The following NFYB variants were observed in gnomAD, a reference collection of about 807,000 sequenced individuals.
The protein encoded by NFYB is CAAT box DNA-binding protein subunit B.
In NFYB, 13 loss-of-function variants were observed where a neutral mutation model predicts 28.0. That is an observed-to-expected ratio of 0.46 (90% CI 0.30 to 0.74). NFYB has a LOEUF of 0.74. Ranked by LOEUF, NFYB falls within the 30% of genes least tolerant of loss-of-function variation. NFYB has a pLI of 0.07. For missense variants in NFYB, 142 were observed against 247.6 expected (o/e 0.57, Z 2.86); for synonymous variants, 74 against 75.0 (o/e 0.99, Z 0.07).
chr12:104,123,386 A>C lies in NFYB; in HGVS notation c.269T>G (p.Val90Gly). Residue 90 changes from valine to glycine, a missense_variant, in exon 5 of 8, where the codon GTA becomes GGA. By Grantham distance (109) the Val-to-Gly change is moderately radical. Transcript: ENST00000240055. ...TGTTATAAAACTGATGAACTCACTT[A>C]CACATTCTTGAACACATTCTTTGGC... is the stretch of plus-strand genomic sequence containing the variant. Reference protein sequence around the residue: ...KDAKECVQECVSEFISFITSE... With the variant: ...KDAKECVQECGSEFISFITSE... The C allele has an allele frequency of 6.2e-7, 1 of 1,614,108 alleles. No individual in the cohort carries two copies. The highest frequency in any genetic ancestry group is 8.5e-7 in the Non-Finnish European group (1 of 1,179,996).
chr12:104,118,160 G>A lies in NFYB; in HGVS notation c.*1577C>T, dbSNP rs1392543317. On this transcript the variant is annotated 3_prime_UTR_variant, in exon 8 of 8. Transcript: ENST00000240055. ...GGTTACAAAATGGTATGCACAATAT[G>A]AGCCCATTTTTATAAAAATATACAT... is the stretch of plus-strand genomic sequence containing the variant. 1 of 152,160 alleles carries A rather than the reference G, an allele frequency of 6.6e-6. No individual in the cohort carries two copies. The highest frequency in any genetic ancestry group is 1.5e-5 in the Non-Finnish European group (1 of 68,036). The allele number at this position is 152,160 out of a possible 1,614,324, so 9.4% of individuals were successfully genotyped here.
At position 104,117,635 on chromosome 12, in the gene NFYB, G is replaced by A. The variant is rs1454243970; in HGVS notation, c.*2102C>T. ...TTGGCCAGGCTGGTCTCAAACTCCT[G>A]ACCTCAAAGTGATCTGCCTGCCTTG... On this transcript the variant is annotated 3_prime_UTR_variant, in exon 8 of 8. Transcript: ENST00000240055. The A allele has an allele frequency of 6.6e-6, 1 of 152,228 alleles. No individual in the cohort carries two copies. Among genetic ancestry groups the A allele is most frequent in the Non-Finnish European group, 1.5e-5 (1 of 68,124 alleles). The allele number at this position is 152,228 out of a possible 1,614,324, so 9.4% of individuals were successfully genotyped here. A position where few individuals can be genotyped will look rare whatever the true frequency, so the allele number is the denominator to read the frequency against.
chr12:104,120,436 T>C lies in NFYB; in HGVS notation c.555A>G (p.Gln185=). 6.2e-7 allele frequency: 1 copy of C among 1,613,998 alleles called. No homozygotes were observed. The highest frequency in any genetic ancestry group is 8.5e-7 in the Non-Finnish European group (1 of 1,179,988). Reference sequence around the variant, plus strand: ...ATGTTGTGTAAACCATAACATTTTGTTGTTGACCGTCTGTGGTTATTAAGC... The same window carrying C: ...ATGTTGTGTAAACCATAACATTTTGCTGTTGACCGTCTGTGGTTATTAAGC... ...PAGLITTDGQ[Q]QNVMVYTTSY... Residue 185 remains glutamine (Q), a synonymous_variant, in exon 7 of 8, where the codon CAA becomes CAG. Coordinates refer to ENST00000240055, the MANE Select transcript of NFYB (RefSeq NM_006166.4).
chr12:104,132,406 A>T (rs2030957723), intron 2 of NFYB, among the ~76,000 whole-genome samples: 1 of 125,228 alleles, frequency 8.0e-6, no homozygotes, highest in Non-Finnish European at 1.8e-5. Flanking sequence ...AATCACATTA[A>T]AAAAAAAAAT....
rs770861103 is a variant in NFYB, at chr12:104,118,920, T to C, written c.*817A>G. 10 of 152,122 alleles carry C rather than the reference T, an allele frequency of 6.6e-5. No individual in the cohort carries two copies. Among genetic ancestry groups the C allele is most frequent in the Admixed American group, 3.3e-4 (5 of 15,274 alleles). 9.4% of individuals were successfully genotyped at this position (152,122 alleles called of 1,614,324 possible). A position where few individuals can be genotyped will look rare whatever the true frequency, so the allele number is the denominator to read the frequency against. On this transcript the variant is annotated 3_prime_UTR_variant, in exon 8 of 8. Coordinates refer to ENST00000240055, the MANE Select transcript of NFYB (RefSeq NM_006166.4). ...GAGAATACTATAGTACTTGAAGATA[T>C]GATTTGAAAAAAAATCATGTACCAA... is the stretch of plus-strand genomic sequence containing the variant.
chr12:104,126,107 A>G lies in NFYB; in HGVS notation c.231+7T>C. The G allele has an allele frequency of 6.3e-7, 1 of 1,579,210 alleles. No homozygotes were observed. The highest frequency in any genetic ancestry group is 2.3e-5 in the East Asian group (1 of 43,968). ...AAAAACCTAGTTAAATTTCTCCTCT[A>G]CGTTACCTTTCCCGTTTGAGGTATG... On this transcript the variant is annotated splice_region_variant and intron_variant, in intron 4 of 7. Coordinates refer to ENST00000240055, the MANE Select transcript of NFYB (RefSeq NM_006166.4).
chr12:104,124,984 T>C (rs780496047), intron 4 of NFYB, among the ~76,000 whole-genome samples: 6 of 152,192 alleles, frequency 3.9e-5, no homozygotes, highest in Non-Finnish European at 8.8e-5. Context: ...AAATTACCAA[T>C]AGAAAATGAT....
At position 104,123,207 on chromosome 12, in the gene NFYB, T is replaced by C. The variant is rs763894240; in HGVS notation, c.429+19A>G. On this transcript the variant is annotated intron_variant, in intron 5 of 7. Coordinates refer to ENST00000240055, the MANE Select transcript of NFYB (RefSeq NM_006166.4). ...AAAAAGAAGAAAAAAAAAAGCACAATGGGAGATATTTTATTTACCTCTCTG... is the reference window on the plus strand; with the variant it reads ...AAAAAGAAGAAAAAAAAAAGCACAACGGGAGATATTTTATTTACCTCTCTG... 3.9e-6 allele frequency: 6 copies of C among 1,550,178 alleles called. No individual in the cohort carries two copies. Among genetic ancestry groups the C allele is most frequent in the Non-Finnish European group, 5.3e-6 (6 of 1,137,984 alleles).
intron 3 of NFYB, among the ~76,000 whole-genome samples, chr12:104,126,780 T>G (rs2030733122): frequency 6.6e-6 from 1 of 152,180 alleles, no homozygotes. Context: ...ACTGCTAGAT[T>G]AAGAGGTTGT....
chr12:104,137,596 C>T (rs1311853590), intron 1 of NFYB: 1 of 151,996 alleles, frequency 6.6e-6, no homozygotes, highest in Non-Finnish European at 1.5e-5. Flanking sequence ...GCCCCGCGCC[C>T]AACGCCTGCC....
chr12:104,126,439 C>T (rs2030717926), intron 3 of NFYB, among the ~76,000 whole-genome samples, 195 bp from the exon 4 acceptor site: 1 of 152,138 alleles, frequency 6.6e-6, no homozygotes, highest in Non-Finnish European at 1.5e-5. Flanking sequence ...TTCAGACTCA[C>T]TGCCTAGAAC....
rs775989936 is a variant in NFYB, at chr12:104,121,389, T to C, written c.430-68A>G. 1.7e-4 allele frequency: 220 copies of C among 1,321,196 alleles called. 1 individual carries two copies. Among genetic ancestry groups the C allele is most frequent in the Admixed American group, 2.8e-4 (15 of 52,792 alleles). The allele number at this position is 1,321,196 out of a possible 1,614,324, so 81.8% of individuals were successfully genotyped here. On this transcript the variant is annotated intron_variant, in intron 5 of 7. Transcript: ENST00000240055. ...TTGTCTTCCAAATGCAAATGCTTAC[T>C]TATTGCCTAAAATTAGGAGCTTCTA... is the stretch of plus-strand genomic sequence containing the variant.
intron 2 of NFYB, among the ~76,000 whole-genome samples, chr12:104,133,908 C>A (rs1319554494): frequency 6.6e-6 from 1 of 152,166 alleles, no homozygotes; most frequent in Non-Finnish European, 1.5e-5. Flanking sequence ...CCTTGCCTAG[C>A]TACCATTCTT....
chr12:104,125,272 G>A (rs145755791), intron 4 of NFYB: 77 of 156,250 alleles, frequency 4.9e-4, no homozygotes, highest in African/African-American at 1.2e-3. Flanking sequence ...GCCCGATCTC[G>A]TCTGATCTCG....
chr12:104,121,069 T>C (rs1486657241), intron 6 of NFYB, among the ~76,000 whole-genome samples, 171 bp downstream of exon 6: 1 of 152,174 alleles, frequency 6.6e-6, no homozygotes, highest in East Asian at 1.9e-4. Flanking sequence ...GAATTAAACT[T>C]TTCTACACTT....
At chr12:104,131,567 C>T (rs529659291) in intron 2 of NFYB, 1 of 351,244 alleles carries the variant, frequency 2.8e-6, no homozygotes, top group East Asian at 7.7e-5. Context: ...ATAAGTCAAC[C>T]TAATCTTTGA....
intron 2 of NFYB, among the ~76,000 whole-genome samples, chr12:104,133,742 A>G (rs990634861): frequency 3.3e-5 from 5 of 152,116 alleles, no homozygotes; most frequent in Non-Finnish European, 5.9e-5. Flanking sequence ...CCTTTTATCT[A>G]TCTGAGGATA....
intron 2 of NFYB, among the ~76,000 whole-genome samples, chr12:104,132,797 T>C (rs1046106937): frequency 1.3e-5 from 2 of 152,270 alleles, no homozygotes; most frequent in East Asian, 1.9e-4. Context: ...AGTGTGACAC[T>C]TGAAAGGCCT....
rs377760017 is a variant in NFYB, at chr12:104,126,922, CTTGA to C, written c.101-682_101-679del. On this transcript the variant is annotated intron_variant, in intron 3 of 7. Coordinates refer to ENST00000240055, the MANE Select transcript of NFYB (RefSeq NM_006166.4). ...TTCTTTAAAGAATGGAAAAACTGGACTTGATTATTACTGATCCAGTTGGCTTACT... is the reference window on the plus strand; with the variant it reads ...TTCTTTAAAGAATGGAAAAACTGGACTTATTACTGATCCAGTTGGCTTACT... 3.5e-3 allele frequency among the ~76,000 whole-genome samples: 532 copies of C among 152,270 alleles called. 17 individuals carry two copies. In the South Asian group the frequency reaches 0.074, roughly 21 times the overall value.
Sources: gnomAD v4.1 joint callset for allele counts (sites outside exome capture counted in the v4.1 genomes callset) on GRCh38, gnomAD v4.1.1 for gene constraint, MANE v1.5 for transcripts, NCBI Gene and HGNC (gene_info 2026-07-23, HGNC 2026-07-21) for gene names.